The following AUTS2 variants were observed in gnomAD, a reference collection of about 807,000 sequenced individuals.
The protein encoded by AUTS2 is autism susceptibility gene 2 protein.
In AUTS2, 17 loss-of-function variants were observed where a neutral mutation model predicts 112.4. The observed-to-expected ratio is 0.15, with a 90% CI of 0.10 to 0.23. The LOEUF (loss-of-function observed/expected upper bound fraction) is 0.23, where lower values mean the gene tolerates loss of function less well. AUTS2 is among the 10% of genes least tolerant of loss of function. The probability of loss-of-function intolerance (pLI) is 1.00; values close to 1 mark genes in which losing one functional copy is unlikely to be tolerated. For synonymous variants in AUTS2, 751 were observed against 702.7 expected, an observed-to-expected ratio of 1.07 and a Z score of -1.09; for missense variants, 1,510 against 1,701.6, an observed-to-expected ratio of 0.89 and a Z score of 1.98.
At chr7:70,451,164 T>C (rs559236540) in intron 5 of AUTS2, among the ~76,000 whole-genome samples, 1 of 152,162 alleles carries the variant, frequency 6.6e-6, no homozygotes, top group South Asian at 2.1e-4. Context: ...CAGGAATAAA[T>C]ATACGTGGTG....
intron 2 of AUTS2, among the ~76,000 whole-genome samples, chr7:69,926,936 TTA>T (rs1007709905): frequency 6.8e-6 from 1 of 146,586 alleles, no homozygotes; most frequent in Non-Finnish European, 1.5e-5. Flanking sequence ...TATCATATCT[TTA>T]TATATATAAA....
intron 5 of AUTS2, among the ~76,000 whole-genome samples, chr7:70,579,575 GA>G (rs371119520): frequency 1.2e-4 from 19 of 152,118 alleles, no homozygotes; most frequent in African/African-American, 4.1e-4. Flanking sequence ...CTTCAATGCT[GA>G]AGACATGGGT....
chr7:69,711,012 C>T (rs1048455034), intron 1 of AUTS2, among the ~76,000 whole-genome samples: 1 of 152,160 alleles, frequency 6.6e-6, no homozygotes, highest in South Asian at 2.1e-4. Context: ...TCCTCCTGCT[C>T]ACCCTTAGGA....
At chr7:69,902,487 G>A (rs994198060) in intron 2 of AUTS2, among the ~76,000 whole-genome samples, 5 of 152,184 alleles carry the variant, frequency 3.3e-5, no homozygotes, top group African/African-American at 1.2e-4. Context: ...AAATAGGGAA[G>A]AGGCGAGAAC....
At chr7:69,695,268 G>T (rs530358515) in intron 1 of AUTS2, among the ~76,000 whole-genome samples, 25 of 152,068 alleles carry the variant, frequency 1.6e-4, no homozygotes, top group Non-Finnish European at 3.1e-4. Flanking sequence ...GATCAAGGCC[G>T]CCGTGAACTG....
intron 1 of AUTS2, among the ~76,000 whole-genome samples, chr7:69,607,385 A>C (rs1369200656): frequency 6.6e-6 from 1 of 152,110 alleles, no homozygotes; most frequent in Non-Finnish European, 1.5e-5. Context: ...AGGTAGAGCT[A>C]TCAAAATTAT....
At chr7:70,346,134 G>T (rs901158069) in intron 4 of AUTS2, among the ~76,000 whole-genome samples, 3 of 152,212 alleles carry the variant, frequency 2.0e-5, no homozygotes, top group African/African-American at 7.2e-5. Flanking sequence ...TTATGTGTCT[G>T]GTACTATGTC....
chr7:69,873,339 C>T (rs949933583), intron 1 of AUTS2, among the ~76,000 whole-genome samples: 1 of 151,620 alleles, frequency 6.6e-6, no homozygotes, highest in African/African-American at 2.4e-5. Context: ...TGGTTCTCAG[C>T]CCTTATTGGT....
rs757602384 is a variant in AUTS2, at chr7:70,789,749, G to A, written c.2533G>A (p.Glu845Lys). The A allele has an allele frequency of 1.2e-6, 2 of 1,609,174 alleles. No homozygotes were observed. Among genetic ancestry groups the A allele is most frequent in the South Asian group, 2.2e-5 (2 of 90,648 alleles). The change falls in exon 19 of 19, where the codon GAA becomes AAA. Residue 845 changes from glutamate (E) to lysine (K), a missense_variant and splice_region_variant. This residue lies in a region of AUTS2 where 788 missense variants were observed against 797.6 expected (regional missense o/e 0.99). Transcript: ENST00000342771. ...CTTGTCTTCCCCTCTCTCCCCCAGG[G>A]AAAGCGTCGAGAAGAGACACTCCAG... ...SSVSKDDKERESVEKRHSSHP... is the reference protein window; with the variant it reads ...SSVSKDDKERKSVEKRHSSHP...
At chr7:69,932,421 G>C (rs1045288691) in intron 2 of AUTS2, among the ~76,000 whole-genome samples, 2 of 152,188 alleles carry the variant, frequency 1.3e-5, no homozygotes, top group African/African-American at 2.4e-5. Context: ...AAATGGCAAG[G>C]GAGGGTGGGG....
chr7:70,638,640 A>G (rs923927670), intron 5 of AUTS2, among the ~76,000 whole-genome samples: 1 of 152,174 alleles, frequency 6.6e-6, no homozygotes, highest in Non-Finnish European at 1.5e-5. Flanking sequence ...AGAAGCCCTT[A>G]TTATTATTTT....
intron 1 of AUTS2, among the ~76,000 whole-genome samples, chr7:69,768,153 A>G (rs1788510025): frequency 6.6e-6 from 1 of 152,140 alleles, no homozygotes; most frequent in African/African-American, 2.4e-5. Context: ...ATGCAATGGG[A>G]TGGAGTGGAA....
intron 4 of AUTS2, among the ~76,000 whole-genome samples, chr7:70,427,953 G>A (rs1379237870): frequency 6.6e-6 from 1 of 152,082 alleles, no homozygotes; most frequent in East Asian, 1.9e-4. Flanking sequence ...GAAGATTGGT[G>A]GACCTCATAT....
At chr7:70,558,171 C>G (rs1479005567) in intron 5 of AUTS2, among the ~76,000 whole-genome samples, 1 of 152,122 alleles carries the variant, frequency 6.6e-6, no homozygotes, top group Admixed American at 6.6e-5. Context: ...GGGCCTGATT[C>G]TGAATGGCAA....
At chr7:69,862,343 A>G (rs1485071297) in intron 1 of AUTS2, among the ~76,000 whole-genome samples, 1 of 152,244 alleles carries the variant, frequency 6.6e-6, no homozygotes, top group Non-Finnish European at 1.5e-5. Context: ...TGAAAGAACC[A>G]CAAATTTATA....
In AUTS2 at chr7:70,715,475, T is replaced by G. The variant is rs375557443; in HGVS notation, c.742+16855T>G. ...CCTACCTTCCCAAGGTTTGAACCTT[T>G]CCTGTGGCACTTCCTGCATCCTGCC... On this transcript the variant is annotated intron_variant, in intron 6 of 18. Coordinates refer to ENST00000342771, the MANE Select transcript of AUTS2 (RefSeq NM_015570.4). Among the ~76,000 whole-genome samples, 53 of 152,234 alleles carry G rather than the reference T, an allele frequency of 3.5e-4. 1 individual carries two copies. The South Asian group carries it at 8.7e-3, about 25-fold the overall frequency.
intron 2 of AUTS2, among the ~76,000 whole-genome samples, chr7:70,053,591 G>A (rs754444187): frequency 7.6e-4 from 109 of 142,840 alleles, no homozygotes; most frequent in Non-Finnish European, 1.3e-3. Context: ...CCAGGCTGGA[G>A]TGAAGTGATG....
At chr7:70,579,441 C>G (rs1802337732) in intron 5 of AUTS2, among the ~76,000 whole-genome samples, 1 of 151,552 alleles carries the variant, frequency 6.6e-6, no homozygotes, top group African/African-American at 2.4e-5. Context: ...ATTCTTTTTT[C>G]TAAGCAATTA....
intron 1 of AUTS2, among the ~76,000 whole-genome samples, chr7:69,652,952 A>G (rs1795357661): frequency 6.6e-6 from 1 of 152,224 alleles, no homozygotes; most frequent in Non-Finnish European, 1.5e-5. Flanking sequence ...ATCTTTAAAA[A>G]TGAGGTTCGT....
Sources: allele counts gnomAD v4.1 joint callset (sites outside exome capture counted in the v4.1 genomes callset), GRCh38; gene constraint gnomAD v4.1.1; regional missense constraint gnomAD v4.1.1; transcripts MANE v1.5; gene names NCBI Gene and HGNC (gene_info 2026-07-23, HGNC 2026-07-21).